Variants in DDX60 observed in about 807,000 individuals in gnomAD.
DDX60 encodes DExD/H-box helicase 60.
A neutral mutation model predicts 212.8 loss-of-function variants in DDX60; 165 were observed. That is an observed-to-expected ratio of 0.78 (90% CI 0.68 to 0.88). The LOEUF (loss-of-function observed/expected upper bound fraction) is 0.88. DDX60 is among the 40% of genes least tolerant of loss of function. The pLI is 0.00. For missense variants in DDX60, 1,905 were observed against 2,003.9 expected, an observed-to-expected ratio of 0.95 and a Z score of 0.94; for synonymous variants, 703 against 685.3, an observed-to-expected ratio of 1.03 and a Z score of -0.40.
chr4:168,295,816 T>G (rs982945783), intron 6 of DDX60, among the ~76,000 whole-genome samples: 42 of 152,314 alleles, frequency 2.8e-4, no homozygotes, highest in African/African-American at 9.9e-4. Context: ...AATGGAATAC[T>G]ATTGAGCATT....
intron 30 of DDX60, among the ~76,000 whole-genome samples, chr4:168,240,954 C>T (rs1264006468): frequency 1.3e-5 from 2 of 152,172 alleles, no homozygotes; most frequent in African/African-American, 2.4e-5. Context: ...TCTCACAATT[C>T]CCGCATGTCA....
At chr4:168,296,262 T>C (rs996080630) in intron 6 of DDX60, among the ~76,000 whole-genome samples, 1 of 152,136 alleles carries the variant, frequency 6.6e-6, no homozygotes. Context: ...CATAAATATA[T>C]AGTTATGATG....
chr4:168,288,406 G>T, intron 8 of DDX60, 91 bp from the exon 9 acceptor site: 2 of 889,568 alleles, frequency 2.2e-6, no homozygotes, highest in Non-Finnish European at 1.7e-6. Flanking sequence ...AAAGGCAGTG[G>T]GCAGGATCAT....
intron 14 of DDX60, among the ~76,000 whole-genome samples, chr4:168,277,892 C>A (rs1040765278): frequency 6.6e-6 from 1 of 151,750 alleles, no homozygotes; most frequent in Non-Finnish European, 1.5e-5. Flanking sequence ...CATTTTGAGT[C>A]GTGTGATGAA....
intron 5 of DDX60, among the ~76,000 whole-genome samples, chr4:168,303,046 T>C (rs977012945): frequency 6.6e-6 from 1 of 152,116 alleles, no homozygotes; most frequent in Admixed American, 6.6e-5. Context: ...CTCACACCTG[T>C]AATCCTAGCA....
chr4:168,256,736 C>G (rs1304832340), intron 25 of DDX60, among the ~76,000 whole-genome samples: 5 of 152,172 alleles, frequency 3.3e-5, no homozygotes, highest in African/African-American at 4.8e-5. Flanking sequence ...ATCTTGGTGG[C>G]AAAATGCTGT....
Position 168,255,849 on chromosome 4 carries a change from T to C in DDX60, c.3419A>G (p.Glu1140Gly). 1 of 1,582,480 alleles carries C rather than the reference T, an allele frequency of 6.3e-7. No homozygotes were observed. Residue 1140 changes from glutamate to glycine, a missense_variant, in exon 26 of 38, where the codon GAA becomes GGA. Coordinates refer to ENST00000393743, the MANE Select transcript of DDX60 (RefSeq NM_017631.6). ...LFFLFKLGAV[E>G]NAAESVSTFL... is the part of the protein sequence containing the mutation. ...AGTGCTCACACTTTCAGCTGCGTTTTCTACAGCTCCTAACTTGAATCTGGA... is the reference window on the plus strand; with the variant it reads ...AGTGCTCACACTTTCAGCTGCGTTTCCTACAGCTCCTAACTTGAATCTGGA...
In DDX60 at chr4:168,237,806, A is replaced by C. The variant is rs1426842443; in HGVS notation, c.4165-11T>G. 6.3e-7 allele frequency: 1 copy of C among 1,586,498 alleles called. No homozygotes were observed. The highest frequency in any genetic ancestry group is 1.4e-5 in the African/African-American group (1 of 73,950). Reference sequence around the variant, plus strand: ...TAGCACTGATAGCACCTTTAAAGAAAAGAGTATTTTTAGACACACAATGTT... The same window carrying C: ...TAGCACTGATAGCACCTTTAAAGAACAGAGTATTTTTAGACACACAATGTT... On this transcript the variant is annotated splice_polypyrimidine_tract_variant and intron_variant, in intron 30 of 37. Coordinates refer to ENST00000393743, the MANE Select transcript of DDX60 (RefSeq NM_017631.6).
rs745522787 is a variant in DDX60, at chr4:168,225,632, A to C, written c.4578T>G (p.Asp1526Glu). Residue 1526 changes from aspartate to glutamate, a missense_variant, in exon 34 of 38, where the codon GAT becomes GAG. Coordinates refer to ENST00000393743, the MANE Select transcript of DDX60 (RefSeq NM_017631.6). ...DLPEDFSDAL[D>E]EYNMKIMEDF... ...CCTCCATAATTTTCATGTTATATTC[A>C]TCTAAAGCATCACTAAAATCCTCAG... The C allele has an allele frequency of 6.2e-7, 1 of 1,611,654 alleles. No homozygotes were observed. Among genetic ancestry groups the C allele is most frequent in the East Asian group, 2.2e-5 (1 of 44,662 alleles).
chr4:168,245,034 A>G (rs1733975661), intron 30 of DDX60, among the ~76,000 whole-genome samples: 1 of 152,208 alleles, frequency 6.6e-6, no homozygotes, highest in Admixed American at 6.5e-5. Flanking sequence ...ATTGCATAGC[A>G]ATATGAATGT....
intron 6 of DDX60, among the ~76,000 whole-genome samples, chr4:168,295,163 A>C (rs1736285442): frequency 6.6e-6 from 1 of 152,220 alleles, no homozygotes; most frequent in African/African-American, 2.4e-5. Context: ...ATTATGTAAA[A>C]CGATATGAAG....
intron 36 of DDX60, among the ~76,000 whole-genome samples, chr4:168,220,918 C>T (rs1457331998): frequency 6.6e-6 from 1 of 152,006 alleles, no homozygotes; most frequent in African/African-American, 2.4e-5. Context: ...TGAAATTTCA[C>T]AATCATATAT....
chr4:168,256,888 T>C (rs1350765610), intron 25 of DDX60, among the ~76,000 whole-genome samples: 2 of 152,162 alleles, frequency 1.3e-5, no homozygotes, highest in African/African-American at 4.8e-5. Flanking sequence ...AGAGCTAACA[T>C]CAAAAGGAAA....
chr4:168,291,540 T>C (rs1190538726), intron 8 of DDX60, among the ~76,000 whole-genome samples: 1 of 152,212 alleles, frequency 6.6e-6, no homozygotes, highest in Non-Finnish European at 1.5e-5. Context: ...AGAGAGGCTT[T>C]TTCCTTAGGT....
chr4:168,262,831 A>T (rs764708237), intron 22 of DDX60, 44 bp from the exon 23 acceptor site: 82 of 1,357,568 alleles, frequency 6.0e-5, no homozygotes, highest in Non-Finnish European at 8.0e-5. Flanking sequence ...ATTTTATTTT[A>T]TGTCGTATCC....
intron 27 of DDX60, 91 bp downstream of exon 27, chr4:168,252,418 T>C: frequency 7.0e-7 from 1 of 1,423,674 alleles, no homozygotes; most frequent in African/African-American, 1.4e-5. Context: ...TATTATATTA[T>C]GCATATATCT....
At chr4:168,279,696 C>T (rs1467029813) in intron 14 of DDX60, among the ~76,000 whole-genome samples, 1 of 152,032 alleles carries the variant, frequency 6.6e-6, no homozygotes, top group Non-Finnish European at 1.5e-5. Context: ...GATTTGCCAA[C>T]GTGTTTGATA....
intron 30 of DDX60, among the ~76,000 whole-genome samples, chr4:168,238,445 AAGGGAAG>A (rs1733717170): frequency 9.5e-6 from 1 of 105,042 alleles, no homozygotes; most frequent in East Asian, 4.0e-4. Flanking sequence ...AAGGGAAGGG[AAGGGAAG>A]GGAAGGGAAG....
chr4:168,322,140 C>G (rs780922080), upstream of DDX60, among the ~76,000 whole-genome samples: 1 of 152,116 alleles, frequency 6.6e-6, no homozygotes, highest in Non-Finnish European at 1.5e-5. Flanking sequence ...TTGTTTAGTC[C>G]CTGTTTGATT....
Sources: gnomAD v4.1 joint callset for allele counts (sites outside exome capture counted in the v4.1 genomes callset) on GRCh38, gnomAD v4.1.1 for gene constraint, MANE v1.5 for transcripts, NCBI Gene and HGNC (gene_info 2026-07-23, HGNC 2026-07-21) for gene names.